The following ABL2 variants were observed in gnomAD, a reference collection of about 807,000 sequenced individuals.
ABL2 encodes the protein tyrosine-protein kinase ABL2.
A neutral mutation model predicts 107.7 loss-of-function variants in ABL2; 49 were observed. The observed-to-expected ratio is 0.45, with a 90% CI of 0.36 to 0.58. ABL2 has a LOEUF of 0.58. Among genes scored for constraint, ABL2 ranks in the 20% least tolerant of loss-of-function variants. ABL2 has a pLI of 0.00. For missense variants in ABL2, 1,245 were observed against 1,457.0 expected (o/e 0.85, Z 2.37); for synonymous variants, 549 against 548.6 (o/e 1.00, Z -0.01).
chr1:179,117,473 C>T lies in ABL2; in HGVS notation c.1267G>A (p.Val423Ile), dbSNP rs2102613428. The T allele has an allele frequency of 6.2e-7, 1 of 1,614,142 alleles. No homozygotes were observed. The highest frequency in any genetic ancestry group is 8.5e-7 in the Non-Finnish European group (1 of 1,180,024). ...CTTAAGCCAAAGTCAGCCACTTTTA[C>T]CACATGGTTTTCTCCCACTAGGCAG... ...RNCLVGENHV[V>I]KVADFGLSRL... Residue 423 changes from valine (V) to isoleucine (I), a missense_variant, in exon 8 of 12, where the codon GTA becomes ATA. By Grantham distance (29) the Val-to-Ile change is conservative. Around this residue, in one of 3 missense-constraint regions of ABL2, gnomAD observed 320 missense variants for 547.0 expected, o/e 0.59. Transcript: ENST00000502732.
intron 10 of ABL2, chr1:179,110,753 T>C: frequency 6.2e-7 from 1 of 1,613,798 alleles, no homozygotes; most frequent in South Asian, 1.1e-5. Flanking sequence ...GTTTCCAGTT[T>C]GGAGTTACTA....
intron 4 of ABL2, among the ~76,000 whole-genome samples, chr1:179,122,577 T>C (rs959563118): frequency 7.9e-5 from 12 of 152,000 alleles, no homozygotes; most frequent in Non-Finnish European, 1.8e-4. Flanking sequence ...ATCAAGCTCA[T>C]TGGTCTTCAA....
chr1:179,131,221 G>C, intron 3 of ABL2, 90 bp downstream of exon 3: 2 of 1,409,844 alleles, frequency 1.4e-6, no homozygotes, highest in Non-Finnish European at 1.9e-6. Context: ...TGAGATTATA[G>C]GTGTGAGCCA....
At chr1:179,137,526 C>T (rs1657151270) in intron 1 of ABL2, among the ~76,000 whole-genome samples, 1 of 151,974 alleles carries the variant, frequency 6.6e-6, no homozygotes, top group South Asian at 2.1e-4. Flanking sequence ...ATTCGTAGTA[C>T]AGGAAAAGTT....
rs1012107597 is a variant in ABL2 at position 179,105,833 on chromosome 1, C to T, written c.*1885G>A. 1.3e-5 allele frequency: 3 copies of T among 224,848 alleles called. No individual in the cohort carries two copies. Among genetic ancestry groups the T allele is most frequent in the Non-Finnish European group, 2.7e-5 (3 of 112,910 alleles). 13.9% of individuals were successfully genotyped at this position (224,848 alleles called of 1,614,324 possible). ...TCTAGCCCAATTCATATAATCTCAACAATTCTTAATTTCATTAATATTTTC... is the reference window on the plus strand; with the variant it reads ...TCTAGCCCAATTCATATAATCTCAATAATTCTTAATTTCATTAATATTTTC... On this transcript the variant is annotated 3_prime_UTR_variant, in exon 12 of 12. Coordinates refer to ENST00000502732, the MANE Select transcript of ABL2 (RefSeq NM_007314.4).
rs144185991 is a variant in ABL2 at position 179,170,275 on chromosome 1, T to C, written c.158-36901A>G. ...GAGGGTGGAGCCCTCATGACCTAAT[T>C]ACCTCTTAAAAAGATCCCACCTCCT... On this transcript the variant is annotated intron_variant, in intron 1 of 11. Coordinates refer to ENST00000502732, the MANE Select transcript of ABL2 (RefSeq NM_007314.4). 1.9e-3 allele frequency among the ~76,000 whole-genome samples: 294 copies of C among 152,226 alleles called. 1 individual carries two copies. The highest frequency in any genetic ancestry group is 0.011 in the South Asian group (54 of 4,820).
intron 1 of ABL2, among the ~76,000 whole-genome samples, chr1:179,195,677 C>T (rs1661269572): frequency 6.6e-6 from 1 of 152,102 alleles, no homozygotes. Flanking sequence ...GCTACATACA[C>T]ACCATTAAAT....
chr1:179,185,774 T>C (rs1054698497), intron 1 of ABL2, among the ~76,000 whole-genome samples: 4 of 152,206 alleles, frequency 2.6e-5, no homozygotes, highest in African/African-American at 7.2e-5. Context: ...AATGAGAATT[T>C]ATTAATAAGA....
chr1:179,174,700 C>A (rs145504058), intron 1 of ABL2, among the ~76,000 whole-genome samples: 1,726 of 150,628 alleles, frequency 0.011, 31 homozygotes, highest in African/African-American at 0.039. Context: ...TAATCCCAGC[C>A]CTTTGGGAGG....
intron 1 of ABL2, among the ~76,000 whole-genome samples, chr1:179,217,022 G>A (rs549114592): frequency 2.2e-4 from 34 of 151,918 alleles, no homozygotes; most frequent in Admixed American, 6.6e-4. Flanking sequence ...GAGGCCAGGC[G>A]TGGGAGCTCA....
chr1:179,203,795 A>G (rs1423991508), intron 1 of ABL2, among the ~76,000 whole-genome samples: 1 of 152,174 alleles, frequency 6.6e-6, no homozygotes, highest in African/African-American at 2.4e-5. Flanking sequence ...GCATTTTTAT[A>G]ACAGGCAGCA....
chr1:179,143,842 G>A (rs1257171094), intron 1 of ABL2, among the ~76,000 whole-genome samples: 11 of 151,864 alleles, frequency 7.2e-5, no homozygotes, highest in Non-Finnish European at 1.0e-4. Context: ...GATTACAGGC[G>A]CCCGCCACCA....
chr1:179,170,907 T>C (rs1659682156), intron 1 of ABL2, among the ~76,000 whole-genome samples: 1 of 152,008 alleles, frequency 6.6e-6, no homozygotes, highest in Non-Finnish European at 1.5e-5. Context: ...ATTTTTGTAT[T>C]TTTTAGTAGA....
At chr1:179,181,538 G>T (rs1332253270) in intron 1 of ABL2, among the ~76,000 whole-genome samples, 1 of 152,124 alleles carries the variant, frequency 6.6e-6, no homozygotes, top group Non-Finnish European at 1.5e-5. Flanking sequence ...CATGCTTAAT[G>T]ATGCTTACAC....
chr1:179,215,118 C>T (rs1231854824), intron 1 of ABL2, among the ~76,000 whole-genome samples: 1 of 151,626 alleles, frequency 6.6e-6, no homozygotes, highest in Non-Finnish European at 1.5e-5. Flanking sequence ...CGAGATCATA[C>T]CACTGCACTC....
chr1:179,124,237 T>A lies in ABL2; in HGVS notation c.687+2140A>T, dbSNP rs571909896. Among the ~76,000 whole-genome samples, 34 of 147,684 alleles carry A rather than the reference T, an allele frequency of 2.3e-4. No homozygotes were observed. The South Asian group carries it at 6.7e-3, about 29-fold the overall frequency. On this transcript the variant is annotated intron_variant, in intron 4 of 11. Transcript: ENST00000502732. ...GCCGGGGCGACACAGCAAGACTCCATCTCAAAAGAAAAAAAAAAAAAGAAG... is the reference window on the plus strand; with the variant it reads ...GCCGGGGCGACACAGCAAGACTCCAACTCAAAAGAAAAAAAAAAAAAGAAG...
At chr1:179,127,529 A>G (rs1655847782) in intron 3 of ABL2, among the ~76,000 whole-genome samples, 1 of 152,228 alleles carries the variant, frequency 6.6e-6, no homozygotes, top group Non-Finnish European at 1.5e-5. Flanking sequence ...ACTTCAACAT[A>G]TAACTTGCCC....
At chr1:179,191,994 A>G (rs1661051653) in intron 1 of ABL2, among the ~76,000 whole-genome samples, 1 of 152,352 alleles carries the variant, frequency 6.6e-6, no homozygotes, top group South Asian at 2.1e-4. Flanking sequence ...TAAGAAAAAT[A>G]CATTTAATTG....
chr1:179,171,928 T>C (rs1212440758), intron 1 of ABL2, among the ~76,000 whole-genome samples: 1 of 152,206 alleles, frequency 6.6e-6, no homozygotes, highest in Non-Finnish European at 1.5e-5. Flanking sequence ...AACCACCATT[T>C]AACCATTGGT....
Sources: allele counts gnomAD v4.1 joint callset (sites outside exome capture counted in the v4.1 genomes callset), GRCh38; gene constraint gnomAD v4.1.1; regional missense constraint gnomAD v4.1.1; transcripts MANE v1.5; gene names NCBI Gene and HGNC (gene_info 2026-07-23, HGNC 2026-07-21).